ITPRID1: variants seen among roughly 807,000 people sequenced by gnomAD.
The protein encoded by ITPRID1 is ITPR interacting domain containing 1, also known as protein ITPRID1.
ITPRID1 carries 96 observed loss-of-function variants against 95.4 expected under a neutral mutation model. The observed-to-expected ratio is 1.01, with a 90% CI of 0.85 to 1.19. ITPRID1 has a LOEUF of 1.19. ITPRID1 is among the 50% of genes most tolerant of loss of function. ITPRID1 has a pLI of 0.00. For synonymous variants in ITPRID1, 510 were observed against 453.6 expected (o/e 1.12, Z -1.58); for missense variants, 1,339 against 1,252.9 (o/e 1.07, Z -1.04).
chr7:31,537,690 ATTAT>A (rs1783804817), intron 1 of ITPRID1, among the ~76,000 whole-genome samples: 1 of 152,216 alleles, frequency 6.6e-6, no homozygotes, highest in African/African-American at 2.4e-5. Flanking sequence ...TAAAAATGAC[ATTAT>A]TTATTTCTTC....
chr7:31,627,921 CA>C (rs1310997828), intron 10 of ITPRID1, among the ~76,000 whole-genome samples: 1 of 152,102 alleles, frequency 6.6e-6, no homozygotes, highest in East Asian at 1.9e-4. Flanking sequence ...AGAGCATATC[CA>C]AAAGGGTTTA....
At chr7:31,607,187 C>G (rs1786662794) in intron 10 of ITPRID1, among the ~76,000 whole-genome samples, 1 of 152,128 alleles carries the variant, frequency 6.6e-6, no homozygotes. Context: ...TTCCCACCTG[C>G]AAGACGGTTG....
chr7:31,545,374 C>G (rs1255328677), intron 1 of ITPRID1, among the ~76,000 whole-genome samples: 1 of 151,878 alleles, frequency 6.6e-6, no homozygotes, highest in Non-Finnish European at 1.5e-5. Context: ...TTTCACTCCC[C>G]CTCCTCAAGA....
At chr7:31,651,674 T>G (rs969272707) in intron 13 of ITPRID1, among the ~76,000 whole-genome samples, 3 of 152,056 alleles carry the variant, frequency 2.0e-5, no homozygotes, top group Admixed American at 2.0e-4. Flanking sequence ...TAAAACTGAA[T>G]AGTGGTGATG....
At chr7:31,619,453 G>A (rs1212683079) in intron 10 of ITPRID1, among the ~76,000 whole-genome samples, 2 of 152,170 alleles carry the variant, frequency 1.3e-5, no homozygotes, top group African/African-American at 4.8e-5. Flanking sequence ...TCAACTGTAT[G>A]TGTAGAGCTA....
At chr7:31,527,011 TA>T (rs1450958069) in intron 1 of ITPRID1, among the ~76,000 whole-genome samples, 1 of 152,196 alleles carries the variant, frequency 6.6e-6, no homozygotes, top group Non-Finnish European at 1.5e-5. Context: ...CCTTTCCAGT[TA>T]CATCACTTGA....
intron 10 of ITPRID1, among the ~76,000 whole-genome samples, chr7:31,609,503 T>G (rs1786771857): frequency 6.6e-6 from 1 of 151,640 alleles, no homozygotes; most frequent in East Asian, 1.9e-4. Flanking sequence ...CTATTAAAAT[T>G]TTCTGTTTCT....
intron 1 of ITPRID1, among the ~76,000 whole-genome samples, chr7:31,544,572 AAAC>A (rs1486327166): frequency 5.9e-5 from 9 of 152,080 alleles, no homozygotes; most frequent in African/African-American, 1.2e-4. Flanking sequence ...CCCCTCAAAT[AAAC>A]AACGTTCTCC....
At chr7:31,611,529 G>A (rs1480186691) in intron 10 of ITPRID1, among the ~76,000 whole-genome samples, 2 of 151,776 alleles carry the variant, frequency 1.3e-5, no homozygotes, top group Admixed American at 1.3e-4. Context: ...TTCAAGTGAT[G>A]AATTCTGTTT....
Position 31,572,252 on chromosome 7 carries a change from A to G in ITPRID1, c.395+64A>G, listed in dbSNP as rs1785019215. 12 of 1,030,046 alleles carry G rather than the reference A, an allele frequency of 1.2e-5. No individual in the cohort carries two copies. The Admixed American group carries it at 2.7e-4, about 23-fold the overall frequency. The allele number at this position is 1,030,046 out of a possible 1,614,324, so 63.8% of individuals were successfully genotyped here. On this transcript the variant is annotated intron_variant, in intron 7 of 14. Transcript: ENST00000615280. ...TTCTGTGCAACAATGGATTTCATGA[A>G]ATTATAAATAGGCACTTGTTGAATG...
chr7:31,642,893 T>G lies in ITPRID1; in HGVS notation c.1523T>G (p.Leu508Arg). Residue 508 changes from leucine to arginine, a missense_variant, in exon 12 of 15, where the codon CTT becomes CGT. Coordinates refer to ENST00000615280, the MANE Select transcript of ITPRID1 (RefSeq NM_001257967.3). ...SVSVMEEEFL[L>R]EAMEGPPELY... ...TCTGTGATGGAGGAAGAGTTTCTGC[T>G]TGAGGCCATGGAGGGGCCACCAGAG... The G allele has an allele frequency of 6.2e-7, 1 of 1,614,002 alleles. No homozygotes were observed. The highest frequency in any genetic ancestry group is 8.5e-7 in the Non-Finnish European group (1 of 1,179,890).
At chr7:31,604,677 T>C (rs1045055723) in intron 10 of ITPRID1, among the ~76,000 whole-genome samples, 9 of 152,212 alleles carry the variant, frequency 5.9e-5, no homozygotes, top group African/African-American at 1.7e-4. Flanking sequence ...ATGCTAGATA[T>C]GAAGATAGAA....
chr7:31,537,095 T>TGTG (rs112444528), intron 1 of ITPRID1, among the ~76,000 whole-genome samples: 4 of 145,568 alleles, frequency 2.7e-5, no homozygotes, highest in African/African-American at 1.0e-4. Flanking sequence ...GGTGTGTGTG[T>TGTG]TGTGTGTGTG....
chr7:31,554,796 G>A (rs1583491483), intron 4 of ITPRID1, 62 bp from the exon 5 acceptor site: 2 of 1,365,674 alleles, frequency 1.5e-6, no homozygotes, highest in East Asian at 2.5e-5. Context: ...TAATTAAAAA[G>A]TAATTTAGTA....
At chr7:31,519,604 CTCTCTCTCTCTCTCTCT>C (rs1783156094) in intron 1 of ITPRID1, among the ~76,000 whole-genome samples, 1 of 57,908 alleles carries the variant, frequency 1.7e-5, no homozygotes, top group Admixed American at 2.2e-4. Context: ...CTCTCTCTCT[CTCTCTCTCTCTCTCTCT>C]ATATATATAT....
At chr7:31,528,952 C>T (rs1783505279) in intron 1 of ITPRID1, among the ~76,000 whole-genome samples, 2 of 152,168 alleles carry the variant, frequency 1.3e-5, no homozygotes, top group African/African-American at 4.8e-5. Context: ...AGTGCTTTAG[C>T]ATTATGTCAT....
chr7:31,544,072 G>T (rs143369679), intron 1 of ITPRID1, among the ~76,000 whole-genome samples: 8 of 151,928 alleles, frequency 5.3e-5, no homozygotes, highest in African/African-American at 1.7e-4. Context: ...TCTATTTCTG[G>T]GCTCTCTATT....
intron 10 of ITPRID1, among the ~76,000 whole-genome samples, chr7:31,590,603 C>T (rs568655356): frequency 6.6e-6 from 1 of 151,278 alleles, no homozygotes; most frequent in African/African-American, 2.5e-5. Context: ...ATATAAAGAG[C>T]GGACAAGTTG....
At chr7:31,593,131 C>G (rs973905043) in intron 10 of ITPRID1, among the ~76,000 whole-genome samples, 3 of 152,042 alleles carry the variant, frequency 2.0e-5, no homozygotes, top group Non-Finnish European at 4.4e-5. Flanking sequence ...ATGGTGAAAG[C>G]CCATCGCTAC....
Sources: gnomAD v4.1 joint callset for allele counts (sites outside exome capture counted in the v4.1 genomes callset) on GRCh38, gnomAD v4.1.1 for gene constraint, MANE v1.5 for transcripts, NCBI Gene and HGNC (gene_info 2026-07-23, HGNC 2026-07-21) for gene names.